RP1: variants seen among roughly 807,000 people sequenced by gnomAD.
The protein encoded by RP1 is RP1 axonemal microtubule associated.
In RP1, 16 loss-of-function variants were observed where a neutral mutation model predicts 14.8. The ratio of observed to expected loss-of-function variants is 1.08; its 90% CI spans 0.73 to 1.65. The LOEUF (loss-of-function observed/expected upper bound fraction) is 1.65, where lower values mean the gene tolerates loss of function less well. RP1 is among the 40% of genes most tolerant of loss of function. The pLI, the probability that RP1 is intolerant of heterozygous loss-of-function variation, is 0.00. For missense variants in RP1, 2,631 were observed against 2,535.0 expected, an observed-to-expected ratio of 1.04 and a Z score of -0.81; for synonymous variants, 876 against 883.6, an observed-to-expected ratio of 0.99 and a Z score of 0.15.
rs116508287 is a variant in RP1, at chr8:54,672,952, T to C, written c.1324-898T>C. 6.0e-3 allele frequency among the ~76,000 whole-genome samples: 909 copies of C among 152,322 alleles called. 2 individuals are homozygous for C. Among genetic ancestry groups the C allele is most frequent in the Middle Eastern group, 0.02 (6 of 294 alleles). The stretch of plus-strand genomic sequence containing the variant: ...ATAGAAAGTCCTGCTTTTCTAACTG[T>C]TCTGTTTGGTGGATAAAGGGATAAC... On this transcript the variant is annotated intron_variant, in intron 7 of 22. Transcript: ENST00000636932.
At chr8:54,815,841 C>T (rs1811123005) in intron 24 of RP1, among the ~76,000 whole-genome samples, 2 of 152,134 alleles carry the variant, frequency 1.3e-5, no homozygotes, top group African/African-American at 4.8e-5. Flanking sequence ...TTTGGCTCAG[C>T]TGTAGTAATT....
chr8:54,749,340 A>AG (rs1809303950), intron 19 of RP1, among the ~76,000 whole-genome samples: 1 of 151,940 alleles, frequency 6.6e-6, no homozygotes, highest in African/African-American at 2.4e-5. Context: ...CAAAAAAAAA[A>AG]CAAAACAAAA....
At chr8:54,866,151 G>T (rs1020166413) in intron 28 of RP1, among the ~76,000 whole-genome samples, 1 of 152,130 alleles carries the variant, frequency 6.6e-6, no homozygotes. Context: ...GAAATGGAAA[G>T]AAATTGGATT....
At chr8:54,724,368 T>C (rs746410535) in intron 16 of RP1, among the ~76,000 whole-genome samples, 6 of 152,230 alleles carry the variant, frequency 3.9e-5, no homozygotes, top group Admixed American at 2.0e-4. Context: ...CTAGTTGATT[T>C]TGTAGATTTA....
chr8:54,618,346 C>T (rs1195282225), intron 1 of RP1, among the ~76,000 whole-genome samples: 1 of 152,138 alleles, frequency 6.6e-6, no homozygotes, highest in African/African-American at 2.4e-5. Flanking sequence ...CTGGCCCCAG[C>T]ACAAAATCTT....
At chr8:54,786,017 C>T (rs1444581803) in intron 24 of RP1, among the ~76,000 whole-genome samples, 1 of 152,046 alleles carries the variant, frequency 6.6e-6, no homozygotes, top group Non-Finnish European at 1.5e-5. Flanking sequence ...GTTTATTCAA[C>T]AATGAACAGC....
At chr8:54,825,759 C>T (rs1811374142) in intron 24 of RP1, among the ~76,000 whole-genome samples, 1 of 152,140 alleles carries the variant, frequency 6.6e-6, no homozygotes, top group Non-Finnish European at 1.5e-5. Flanking sequence ...ATCAAGTTTT[C>T]CTTTACATAT....
In RP1 at chr8:54,625,577, T is replaced by C. The variant is rs1370711440; in HGVS notation, c.1695T>C (p.Gly565=). Residue 565 remains glycine, a synonymous_variant, in exon 4 of 4, where the codon GGT becomes GGC. Transcript: ENST00000220676. The stretch of plus-strand genomic sequence containing the variant: ...TGTTAGAGATGTCACATAATAATGG[T>C]TTGCCATCAACTATATCAAATAACT... ...QKMLEMSHNN[G]LPSTISNNSI... 6.2e-7 allele frequency: 1 copy of C among 1,614,052 alleles called. No homozygotes were observed. The highest frequency in any genetic ancestry group is 1.1e-5 in the South Asian group (1 of 91,072).
exon 14 of RP1, chr8:54,701,533 C>A: frequency 6.5e-7 from 1 of 1,535,514 alleles, no homozygotes; most frequent in Non-Finnish European, 8.7e-7. Flanking sequence ...ATCAGCCTAA[C>A]CGCTGTGCAC....
chr8:54,685,072 C>T (rs1280129028), intron 12 of RP1, among the ~76,000 whole-genome samples: 1 of 152,012 alleles, frequency 6.6e-6, no homozygotes, highest in Non-Finnish European at 1.5e-5. Flanking sequence ...ATAGGTGCAG[C>T]AGTCTGTCTA....
rs767903700 is a variant in RP1 at position 54,627,224 on chromosome 8, T to A, written c.3342T>A (p.Gly1114=). 1.2e-6 allele frequency: 2 copies of A among 1,613,972 alleles called. No individual in the cohort carries two copies. Among genetic ancestry groups the A allele is most frequent in the African/African-American group, 2.7e-5 (2 of 74,940 alleles). Residue 1114 remains glycine (G), a synonymous_variant, in exon 4 of 4, where the codon GGT becomes GGA. Transcript: ENST00000220676. ...TTCAAATGCCAGGTTCACTTGCAGG[T>A]GTTCCCTTTCATTCTGCAATATGTA... ...GVVQMPGSLA[G]VPFHSAICNS... is the part of the protein sequence containing the mutation.
At chr8:54,624,616 G>T in intron 3 of RP1, 54 bp from the exon 4 acceptor site, 2 of 1,568,932 alleles carry the variant, frequency 1.3e-6, no homozygotes, top group Non-Finnish European at 8.8e-7. Flanking sequence ...TAACTTCTCT[G>T]CCTTCCATAT....
intron 25 of RP1, among the ~76,000 whole-genome samples, chr8:54,851,139 T>A (rs2129408061): frequency 6.6e-6 from 1 of 152,302 alleles, no homozygotes; most frequent in South Asian, 2.1e-4. Flanking sequence ...TGGAGCAGCT[T>A]CTGGGGACAC....
chr8:54,858,274 A>G (rs1017369365), intron 27 of RP1, among the ~76,000 whole-genome samples: 1 of 152,216 alleles, frequency 6.6e-6, no homozygotes, highest in African/African-American at 2.4e-5. Context: ...TCAGGATCGT[A>G]TAGAGGAAAT....
chr8:54,811,748 A>T (rs928721227), intron 24 of RP1, among the ~76,000 whole-genome samples: 9 of 152,194 alleles, frequency 5.9e-5, no homozygotes, highest in Non-Finnish European at 1.2e-4. Flanking sequence ...ATTCACTAAC[A>T]TTTCCAGGTT....
rs139088785 is a variant in RP1, at chr8:54,629,555, G to C, written c.5673G>C (p.Leu1891Phe). Residue 1891 changes from leucine to phenylalanine, a missense_variant, in exon 4 of 4, where the codon TTG becomes TTC. Physicochemically the swap from Leu to Phe is conservative, Grantham distance 22. Coordinates refer to ENST00000220676, the MANE Select transcript of RP1 (RefSeq NM_006269.2). ...ATGATGCTATTAAAAACCAACCATT[G>C]CCTGGCAGTAATATGATTCATGGTA... ...VSDDAIKNQP[L>F]PGSNMIHGTL... 1 of 1,613,992 alleles carries C rather than the reference G, an allele frequency of 6.2e-7. No homozygotes were observed. Among genetic ancestry groups the C allele is most frequent in the Non-Finnish European group, 8.5e-7 (1 of 1,180,012 alleles).
At chr8:54,599,747 C>T (rs1805231534) in intron 1 of RP1, among the ~76,000 whole-genome samples, 2 of 152,116 alleles carry the variant, frequency 1.3e-5, no homozygotes, top group Admixed American at 1.3e-4. Flanking sequence ...CTGTGCCTGG[C>T]CTGACTGAAT....
In RP1 at chr8:54,775,666, T is replaced by C. The variant is rs148145738; in HGVS notation, c.3451+5499T>C. The stretch of plus-strand genomic sequence containing the variant: ...CCTTCCCTGCTAAGCCTGGTCCAAA[T>C]TGCACTTTCAAGGGCATAAGAAATG... On this transcript the variant is annotated intron_variant, in intron 23 of 28. Transcript: ENST00000637698. Among the ~76,000 whole-genome samples the C allele has an allele frequency of 3.8e-3, 580 of 152,272 alleles. 3 individuals are homozygous for C. The highest frequency in any genetic ancestry group is 6.3e-3 in the Non-Finnish European group (431 of 68,016).
At chr8:54,701,405 C>T (rs1808013218) in intron 13 of RP1, 2 of 1,184,738 alleles carry the variant, frequency 1.7e-6, no homozygotes, top group Admixed American at 3.4e-5. Flanking sequence ...AAGTAGACAC[C>T]TGTATATGTA....
Sources: gnomAD v4.1 joint callset for allele counts (sites outside exome capture counted in the v4.1 genomes callset) on GRCh38, gnomAD v4.1.1 for gene constraint, MANE v1.5 for transcripts, NCBI Gene and HGNC (gene_info 2026-07-23, HGNC 2026-07-21) for gene names.